MRPS18B: variants seen among roughly 807,000 people sequenced by gnomAD.
The protein encoded by MRPS18B is mitochondrial ribosomal protein S18B, also known as small ribosomal subunit protein mS40.
Under a neutral mutation model 28.4 loss-of-function variants are expected in MRPS18B, and 27 were observed. The ratio of observed to expected loss-of-function variants is 0.95; its 90% CI spans 0.70 to 1.31. The LOEUF (loss-of-function observed/expected upper bound fraction) is 1.31. Among genes scored for constraint, MRPS18B ranks in the 40% most tolerant of loss-of-function variants. The pLI, the probability that MRPS18B is intolerant of heterozygous loss-of-function variation, is 0.00. For synonymous variants in MRPS18B, 118 were observed against 123.7 expected, an observed-to-expected ratio of 0.95 and a Z score of 0.30; for missense variants, 343 against 335.9, an observed-to-expected ratio of 1.02 and a Z score of -0.17.
At chr6:30,620,270 T>TCA in intron 4 of MRPS18B, 3 of 388,954 alleles carry the variant, frequency 7.7e-6, no homozygotes, top group Non-Finnish European at 1.4e-5. Flanking sequence ...TGAGCTGAGA[T>TCA]CGCATCACCG....
At position 30,620,177 on chromosome 6, in the gene MRPS18B, T is replaced by C. The variant is rs181242580; in HGVS notation, c.354+188T>C. ...CTAAAAATACAAAAAATTAGCCGGT[T>C]GTGGTGGCGGGCGCCTGTAGTCCCA... On this transcript the variant is annotated intron_variant, in intron 4 of 6. Transcript: ENST00000259873. 1.2e-5 allele frequency: 7 copies of C among 575,572 alleles called. No homozygotes were observed. The East Asian group carries it at 2.1e-4, about 18-fold the overall frequency. The allele number at this position is 575,572 out of a possible 1,614,324, so 35.7% of individuals were successfully genotyped here.
At chr6:30,622,260 C>T (rs1303531941) in intron 4 of MRPS18B, among the ~76,000 whole-genome samples, 1 of 151,830 alleles carries the variant, frequency 6.6e-6, no homozygotes, top group African/African-American at 2.4e-5. Context: ...TAAAGGCTGA[C>T]GTTAGAACTT....
rs1440705911 is a variant in MRPS18B, at chr6:30,625,879, T to C, written c.*82T>C. On this transcript the variant is annotated 3_prime_UTR_variant, in exon 7 of 7. Transcript: ENST00000259873. The stretch of plus-strand genomic sequence containing the variant: ...ACTTTGGGAAGCCAAGGTGGGCTGA[T>C]CACTTGATCCCAGGAGTTTGAGACC... The C allele has an allele frequency of 9.1e-6, 13 of 1,430,640 alleles. 1 individual carries two copies. Among genetic ancestry groups the C allele is most frequent in the Non-Finnish European group, 1.2e-5 (13 of 1,050,406 alleles). The allele number at this position is 1,430,640 out of a possible 1,614,324, so 88.6% of individuals were successfully genotyped here.
chr6:30,617,972 C>A, intron 1 of MRPS18B, 29 bp downstream of exon 1: 1 of 1,612,706 alleles, frequency 6.2e-7, no homozygotes, highest in Non-Finnish European at 8.5e-7. Context: ...TTTTGCACAA[C>A]CTCAAGTTGG....
chr6:30,624,141 G>T (rs1425366883), intron 5 of MRPS18B, among the ~76,000 whole-genome samples: 2 of 151,724 alleles, frequency 1.3e-5, no homozygotes, highest in African/African-American at 2.4e-5. Context: ...ACCCAAGGCT[G>T]GAGTGCAGTG....
In MRPS18B at chr6:30,619,721, G is replaced by A. The variant is rs767025158; in HGVS notation, c.200G>A (p.Arg67Gln). The A allele has an allele frequency of 5.0e-6, 8 of 1,614,082 alleles. No homozygotes were observed. Among genetic ancestry groups the A allele is most frequent in the East Asian group, 2.2e-5 (1 of 44,892 alleles). ...KYLESEEYQE[R>Q]YGSRPVWADY... ...TCTTTCATTTCAGAATACCAGGAGC[G>A]ATATGGTTCTCGCCCCGTCTGGGCT... Residue 67 changes from arginine (R) to glutamine (Q), a missense_variant, in exon 3 of 7, where the codon CGA becomes CAA. Physicochemically the swap from Arg to Gln is conservative, Grantham distance 43 (BLOSUM62 1). Transcript: ENST00000259873.
At chr6:30,625,465 T>C (rs780385668) in intron 6 of MRPS18B, 37 bp from the exon 7 acceptor site, 34 of 1,496,110 alleles carry the variant, frequency 2.3e-5, no homozygotes, top group Non-Finnish European at 2.6e-5. Flanking sequence ...ACCCTCCTCA[T>C]TGCCTCTTAA....
At chr6:30,621,132 C>T (rs958608691) in intron 4 of MRPS18B, among the ~76,000 whole-genome samples, 28 of 152,194 alleles carry the variant, frequency 1.8e-4, no homozygotes, top group African/African-American at 6.3e-4. Context: ...CTGGGTGCGG[C>T]GGCCCATGCC....
intron 5 of MRPS18B, 112 bp from the exon 6 acceptor site, chr6:30,624,771 G>A: frequency 8.6e-7 from 1 of 1,165,522 alleles, no homozygotes; most frequent in Non-Finnish European, 1.2e-6. Flanking sequence ...AGGGGAAAGG[G>A]GTCATTAGGT....
At chr6:30,623,358 A>G (rs1045199301) in intron 5 of MRPS18B, among the ~76,000 whole-genome samples, 4 of 152,136 alleles carry the variant, frequency 2.6e-5, no homozygotes, top group African/African-American at 9.7e-5. Context: ...GGAAAAAGAA[A>G]AAAACAAGTA....
In MRPS18B at chr6:30,625,891, A is replaced by T. The variant is rs183236532; in HGVS notation, c.*94A>T. On this transcript the variant is annotated 3_prime_UTR_variant, in exon 7 of 7. Coordinates refer to ENST00000259873, the MANE Select transcript of MRPS18B (RefSeq NM_014046.4). ...CAAGGTGGGCTGATCACTTGATCCC[A>T]GGAGTTTGAGACCAGCCTGGGCACC... 7.4e-7 allele frequency: 1 copy of T among 1,350,944 alleles called. No individual in the cohort carries two copies. Among genetic ancestry groups the T allele is most frequent in the Non-Finnish European group, 1.0e-6 (1 of 985,238 alleles). 83.7% of individuals were successfully genotyped at this position (1,350,944 alleles called of 1,614,324 possible). A position where few individuals can be genotyped will look rare whatever the true frequency, so the allele number is the denominator to read the frequency against.
At position 30,624,737 on chromosome 6, in the gene MRPS18B, G is replaced by A. The variant is rs1582714042; in HGVS notation, c.422-146G>A. On this transcript the variant is annotated intron_variant, in intron 5 of 6. Coordinates refer to ENST00000259873, the MANE Select transcript of MRPS18B (RefSeq NM_014046.4). The stretch of plus-strand genomic sequence containing the variant: ...AGATTCTTTCCTTTGGGCAGATGGG[G>A]AAACTGAGGTCCATGGAGGGGTCAG... 9.4e-5 allele frequency: 70 copies of A among 744,034 alleles called. 2 individuals are homozygous for A. In the South Asian group the frequency reaches 1.3e-3, roughly 14 times the overall value. The allele number at this position is 744,034 out of a possible 1,614,324, so 46.1% of individuals were successfully genotyped here. A position where few individuals can be genotyped will look rare whatever the true frequency, so the allele number is the denominator to read the frequency against.
At chr6:30,619,392 A>T in intron 1 of MRPS18B, 101 bp from the exon 2 acceptor site, 1 of 879,922 alleles carries the variant, frequency 1.1e-6, no homozygotes, top group Non-Finnish European at 1.8e-6. Flanking sequence ...ATATTCCATT[A>T]ATGCAGTATG....
At chr6:30,624,995 C>T (rs547578755) in intron 6 of MRPS18B, 53 bp downstream of exon 6, 15 of 1,592,830 alleles carry the variant, frequency 9.4e-6, no homozygotes, top group Admixed American at 8.4e-5. Context: ...AGGAAGATGA[C>T]TTAGGGCTAG....
At chr6:30,619,104 G>C (rs1403303263) in intron 1 of MRPS18B, among the ~76,000 whole-genome samples, 1 of 152,080 alleles carries the variant, frequency 6.6e-6, no homozygotes, top group Non-Finnish European at 1.5e-5. Flanking sequence ...TTTTAGTAGA[G>C]ATAAGGTTTC....
intron 4 of MRPS18B, among the ~76,000 whole-genome samples, chr6:30,622,456 G>A (rs1477332943): frequency 4.6e-5 from 7 of 151,304 alleles, no homozygotes; most frequent in African/African-American, 1.7e-4. Flanking sequence ...CCAGCTACTC[G>A]GGAGGCTAAG....
intron 4 of MRPS18B, chr6:30,620,208 TCA>T: frequency 1.9e-6 from 1 of 525,978 alleles, no homozygotes; most frequent in South Asian, 2.3e-5. Context: ...TCCCAGCTAC[TCA>T]GGAGGCTGAG....
chr6:30,623,539 C>T (rs1761299295), intron 5 of MRPS18B, among the ~76,000 whole-genome samples: 1 of 152,118 alleles, frequency 6.6e-6, no homozygotes, highest in East Asian at 1.9e-4. Context: ...GTAAATTTAA[C>T]AATTCAGAAT....
chr6:30,619,513 C>T lies in MRPS18B; in HGVS notation c.99C>T (p.Cys33=). Residue 33 remains cysteine (C), a synonymous_variant, in exon 2 of 7, where the codon TGC becomes TGT. Transcript: ENST00000259873. Reference sequence around the variant, plus strand: ...TGTAGGTTCCCCTCCAGACTCTTTGCACCAAAGCTCCCTCTGAGGAAGATT... The same window carrying T: ...TGTAGGTTCCCCTCCAGACTCTTTGTACCAAAGCTCCCTCTGAGGAAGATT... ...HRVQVPLQTL[C]TKAPSEEDSL... 6.2e-7 allele frequency: 1 copy of T among 1,612,876 alleles called. No individual in the cohort carries two copies. The highest frequency in any genetic ancestry group is 2.2e-5 in the East Asian group (1 of 44,888).
Sources: gnomAD v4.1 joint callset for allele counts (sites outside exome capture counted in the v4.1 genomes callset) on GRCh38, gnomAD v4.1.1 for gene constraint, MANE v1.5 for transcripts, NCBI Gene and HGNC (gene_info 2026-07-23, HGNC 2026-07-21) for gene names.